CBLC: variants seen among roughly 807,000 people sequenced by gnomAD.
CBLC encodes Cbl proto-oncogene C, also known as E3 ubiquitin-protein ligase CBL-C.
A neutral mutation model predicts 58.6 loss-of-function variants in CBLC; 46 were observed. The ratio of observed to expected loss-of-function variants is 0.79; its 90% CI spans 0.62 to 1.00. CBLC has a LOEUF of 1.00. Among genes scored for constraint, CBLC ranks in the 50% least tolerant of loss-of-function variants. The pLI, the probability that CBLC is intolerant of heterozygous loss-of-function variation, is 0.00. For missense variants in CBLC, 655 were observed against 625.8 expected (o/e 1.05, Z -0.50); for synonymous variants, 271 against 264.2 (o/e 1.03, Z -0.25).
intron 6 of CBLC, among the ~76,000 whole-genome samples, chr19:44,791,413 C>G (rs1270816952): frequency 4.6e-5 from 7 of 151,746 alleles, no homozygotes; most frequent in Admixed American, 3.9e-4. Flanking sequence ...GTGTAGACAA[C>G]TGGGGAGAAG....
intron 9 of CBLC, among the ~76,000 whole-genome samples, chr19:44,796,261 AG>A (rs1368914167): frequency 6.6e-6 from 1 of 152,154 alleles, no homozygotes; most frequent in African/African-American, 2.4e-5. Flanking sequence ...CATTTTCCAG[AG>A]GAAAAAAGTT....
intron 9 of CBLC, among the ~76,000 whole-genome samples, chr19:44,799,582 T>G (rs1220853867): frequency 6.6e-6 from 1 of 152,058 alleles, no homozygotes; most frequent in Non-Finnish European, 1.5e-5. Context: ...TCCACCCACC[T>G]CGGCCTCCCA....
chr19:44,787,302 G>A (rs1222929544), intron 5 of CBLC, among the ~76,000 whole-genome samples: 1 of 152,040 alleles, frequency 6.6e-6, no homozygotes, highest in Non-Finnish European at 1.5e-5. Context: ...GCTGAGGCAG[G>A]AGAATGGCGT....
At chr19:44,791,263 G>A (rs1388676731) in intron 6 of CBLC, among the ~76,000 whole-genome samples, 1 of 148,474 alleles carries the variant, frequency 6.7e-6, no homozygotes, top group Admixed American at 6.7e-5. Flanking sequence ...CCAAGATTGC[G>A]ACCCTGCACT....
intron 2 of CBLC, 59 bp downstream of exon 2, chr19:44,781,110 A>G (rs1343190381): frequency 1.3e-6 from 2 of 1,582,954 alleles, no homozygotes; most frequent in Non-Finnish European, 1.7e-6. Flanking sequence ...CCAGGGACCC[A>G]GGGGTCCAGG....
intron 9 of CBLC, 84 bp downstream of exon 9, chr19:44,794,365 C>T: frequency 7.6e-7 from 1 of 1,322,774 alleles, no homozygotes; most frequent in Middle Eastern, 2.2e-4. Flanking sequence ...CTCAGGGGTG[C>T]CAGGGCAGGG....
intron 7 of CBLC, among the ~76,000 whole-genome samples, chr19:44,792,791 T>C (rs541585498): frequency 6.6e-6 from 1 of 152,226 alleles, no homozygotes; most frequent in East Asian, 1.9e-4. Flanking sequence ...GCCAGTGGCT[T>C]CACGTCTCTG....
chr19:44,792,494 T>C lies in CBLC; in HGVS notation c.1117T>C (p.Cys373Arg). The change falls in exon 7 of 11, where the codon TGC (cysteine) becomes CGC (arginine). Residue 373 changes from cysteine (C) to arginine (R), a missense_variant. Around this residue, in one of 3 missense-constraint regions of CBLC, gnomAD observed 371 missense variants for 370.8 expected, o/e 1.00. Transcript: ENST00000647358. ...GCCGTGCGGGCACCTGCTCTGCAGC[T>C]GCTGCCTGGCTGCCTGGCAGGTGGG... Reference protein sequence around the residue: ...IEPCGHLLCSCCLAAWQHSDS... With the variant: ...IEPCGHLLCSRCLAAWQHSDS... 4 of 1,605,152 alleles carry C rather than the reference T, an allele frequency of 2.5e-6. No individual in the cohort carries two copies. Among genetic ancestry groups the C allele is most frequent in the Non-Finnish European group, 2.5e-6 (3 of 1,176,842 alleles).
intron 5 of CBLC, among the ~76,000 whole-genome samples, chr19:44,787,364 A>G (rs1205353665): frequency 1.3e-5 from 2 of 152,154 alleles, no homozygotes; most frequent in Non-Finnish European, 2.9e-5. Flanking sequence ...ACTGTACTTC[A>G]GCCTGGGTGA....
intron 9 of CBLC, among the ~76,000 whole-genome samples, chr19:44,795,688 T>C (rs2376552): frequency 6.6e-6 from 1 of 151,986 alleles, no homozygotes; most frequent in Non-Finnish European, 1.5e-5. Flanking sequence ...GGCCCTGCTC[T>C]GCTGTATGTT....
At chr19:44,795,881 C>G (rs1179304352) in intron 9 of CBLC, among the ~76,000 whole-genome samples, 1 of 152,138 alleles carries the variant, frequency 6.6e-6, no homozygotes, top group Non-Finnish European at 1.5e-5. Flanking sequence ...CAAATGAATA[C>G]ACTGAAGTGA....
chr19:44,800,366 A>G lies in CBLC; in HGVS notation c.1363-15A>G. On this transcript the variant is annotated splice_polypyrimidine_tract_variant and intron_variant, in intron 9 of 10. Coordinates refer to ENST00000647358, the MANE Select transcript of CBLC (RefSeq NM_012116.4). The stretch of plus-strand genomic sequence containing the variant: ...GCCGGGAATCAACCGCCCTCTCAAA[A>G]TATCTCCATTGCAGAGACTCCTAAA... The G allele has an allele frequency of 1.9e-6, 3 of 1,592,538 alleles. No individual in the cohort carries two copies. Among genetic ancestry groups the G allele is most frequent in the Non-Finnish European group, 2.6e-6 (3 of 1,160,526 alleles).
Position 44,778,025 on chromosome 19 carries a change from T to C in CBLC, c.94T>C (p.Cys32Arg), listed in dbSNP as rs758611319. Residue 32 changes from cysteine to arginine, a missense_variant, in exon 1 of 11, where the codon TGC becomes CGC. By Grantham distance (180) the Cys-to-Arg change is radical (BLOSUM62 -3). Coordinates refer to ENST00000647358, the MANE Select transcript of CBLC (RefSeq NM_012116.4). ...VRMLQRLEEQ[C>R]VDPRLSVSPP... ...GATGCTGCAGCGCCTAGAAGAGCAA[T>C]GCGTCGACCCCCGGCTGTCCGTGAG... 2 of 1,609,364 alleles carry C rather than the reference T, an allele frequency of 1.2e-6. No individual in the cohort carries two copies. Among genetic ancestry groups the C allele is most frequent in the African/African-American group, 2.7e-5 (2 of 74,846 alleles).
At position 44,794,266 on chromosome 19, in the gene CBLC, T is replaced by C. The variant is rs766524066; in HGVS notation, c.1347T>C (p.Asn449=). 1.2e-6 allele frequency: 2 copies of C among 1,612,678 alleles called. No homozygotes were observed. The highest frequency in any genetic ancestry group is 2.2e-5 in the South Asian group (2 of 90,934). ...RPDLPPRKPR[N]AQPKVRLLKG... ...ATCTGCCCCCCAGGAAGCCCAGAAA[T>C]GCCCAGCCGAAAGTGGTGAGTCAGG... The change falls in exon 9 of 11, where the codon AAT becomes AAC. Residue 449 remains asparagine (N), a synonymous_variant. Coordinates refer to ENST00000647358, the MANE Select transcript of CBLC (RefSeq NM_012116.4).
intron 5 of CBLC, among the ~76,000 whole-genome samples, chr19:44,784,771 G>T (rs537165424): frequency 3.2e-4 from 49 of 151,790 alleles, no homozygotes; most frequent in Non-Finnish European, 6.2e-4. Flanking sequence ...TCGCCATGCT[G>T]CCCAGGCTGG....
chr19:44,789,503 A>G (rs1028242521), intron 5 of CBLC, among the ~76,000 whole-genome samples: 9 of 151,848 alleles, frequency 5.9e-5, no homozygotes, highest in African/African-American at 2.2e-4. Context: ...TCCTGGATTC[A>G]AGCAATTCTC....
In CBLC at chr19:44,793,574, C is replaced by T. The variant is rs1568563845; in HGVS notation, c.1238C>T (p.Ser413Leu). 6.2e-7 allele frequency: 1 copy of T among 1,607,970 alleles called. No individual in the cohort carries two copies. The highest frequency in any genetic ancestry group is 8.5e-7 in the Non-Finnish European group (1 of 1,178,710). ...CACGGTCAGGCTACTGCTGAGGACT[C>T]AGGGAACAGCAGTGACCAGGAAGGC... ...QFHGQATAED[S>L]GNSSDQEGRE... The change falls in exon 8 of 11, where the codon TCA becomes TTA. Residue 413 changes from serine to leucine, a missense_variant. Ser to Leu is a moderately radical substitution (Grantham distance 145). Around this residue, in one of 3 missense-constraint regions of CBLC, gnomAD observed 371 missense variants for 370.8 expected, o/e 1.00. Transcript: ENST00000647358.
chr19:44,800,129 C>A (rs1968262956), intron 9 of CBLC, among the ~76,000 whole-genome samples: 1 of 152,194 alleles, frequency 6.6e-6, no homozygotes, highest in African/African-American at 2.4e-5. Context: ...GAAAGGACGT[C>A]CACCCAGGCT....
At chr19:44,794,116 T>A (rs139425456) in intron 8 of CBLC, 88 bp from the exon 9 acceptor site, 26,348 of 1,534,800 alleles carry the variant, frequency 0.017, 342 homozygotes, top group Admixed American at 0.054. Flanking sequence ...GAACAGTGCC[T>A]GAATGCTGAG....
Sources: allele counts gnomAD v4.1 joint callset (sites outside exome capture counted in the v4.1 genomes callset), GRCh38; gene constraint gnomAD v4.1.1; regional missense constraint gnomAD v4.1.1; transcripts MANE v1.5; gene names NCBI Gene and HGNC (gene_info 2026-07-23, HGNC 2026-07-21).